Variants in PP2D1 observed in about 807,000 individuals in gnomAD.
The protein encoded by PP2D1 is protein phosphatase 2C like domain containing 1.
A neutral mutation model predicts 30.2 loss-of-function variants in PP2D1; 25 were observed. That is an observed-to-expected ratio of 0.83 (90% confidence interval 0.60 to 1.16). The LOEUF (loss-of-function observed/expected upper bound fraction) is 1.16. PP2D1 is among the 50% of genes most tolerant of loss of function. The probability of loss-of-function intolerance (pLI) is 0.00; values close to 1 mark genes in which losing one functional copy is unlikely to be tolerated. For missense variants in PP2D1, 760 were observed against 742.4 expected (o/e 1.02, Z -0.28); for synonymous variants, 260 against 258.9 (o/e 1.00, Z -0.04).
At chr3:19,989,523 T>C (rs1017836835) in intron 2 of PP2D1, among the ~76,000 whole-genome samples, 2 of 152,198 alleles carry the variant, frequency 1.3e-5, no homozygotes, top group Admixed American at 1.3e-4. Context: ...TGGTTATTAA[T>C]ATTGTGTGTT....
chr3:19,988,789 G>C (rs1479558126), intron 2 of PP2D1, among the ~76,000 whole-genome samples: 4 of 152,112 alleles, frequency 2.6e-5, no homozygotes, highest in Non-Finnish European at 1.5e-5. Context: ...CGGACACTTA[G>C]GGAAATAGGA....
intron 1 of PP2D1, among the ~76,000 whole-genome samples, chr3:20,002,794 A>T (rs542745491): frequency 4.6e-5 from 7 of 152,000 alleles, no homozygotes; most frequent in African/African-American, 1.7e-4. Context: ...GGTGGCTCAC[A>T]CCTGTAATCC....
chr3:20,011,141 G>A (rs1223558714), intron 1 of PP2D1, among the ~76,000 whole-genome samples: 1 of 152,132 alleles, frequency 6.6e-6, no homozygotes, highest in Non-Finnish European at 1.5e-5. Flanking sequence ...ATATCCAAGA[G>A]AATGATCAGT....
At chr3:19,987,930 T>C (rs888221465) in intron 2 of PP2D1, among the ~76,000 whole-genome samples, 4 of 152,228 alleles carry the variant, frequency 2.6e-5, no homozygotes, top group South Asian at 4.1e-4. Context: ...TGAACATAAA[T>C]TGTGAAGATT....
In PP2D1 at chr3:20,001,871, C is replaced by T; in HGVS notation, c.249G>A (p.Lys83=). The T allele has an allele frequency of 1.3e-6, 2 of 1,536,108 alleles. No individual in the cohort carries two copies. Among genetic ancestry groups the T allele is most frequent in the Non-Finnish European group, 1.7e-6 (2 of 1,146,852 alleles). The change falls in exon 2 of 3, where the codon AAG becomes AAA. Residue 83 remains lysine (K), a synonymous_variant. Transcript: ENST00000389050. Reference sequence around the variant, plus strand: ...CCAGCGTGGCCAGAGCTACATGTTGCTTCTTATGGAGAAAAATACCAGTTA... The same window carrying T: ...CCAGCGTGGCCAGAGCTACATGTTGTTTCTTATGGAGAAAAATACCAGTTA... ...IDLTGIFLHK[K]QHVALATLGF... is the part of the protein sequence containing the mutation.
intron 2 of PP2D1, 73 bp from the exon 3 acceptor site, chr3:19,986,255 C>CT (rs1697033010): frequency 8.9e-7 from 1 of 1,129,126 alleles, no homozygotes; most frequent in Admixed American, 3.2e-5. Context: ...CTACTGCTAA[C>CT]TTTAGTAAAT....
intron 1 of PP2D1, among the ~76,000 whole-genome samples, chr3:20,010,235 A>G (rs1035448940): frequency 1.3e-5 from 2 of 152,006 alleles, no homozygotes; most frequent in Non-Finnish European, 2.9e-5. Flanking sequence ...AGCTGGGACT[A>G]CAGGTGCCTG....
downstream of PP2D1, chr3:19,983,845 G>A (rs1351248358): frequency 5.5e-6 from 8 of 1,460,798 alleles, no homozygotes; most frequent in South Asian, 1.2e-5. Context: ...GAACTAGCTG[G>A]AATAGTCTTC....
At chr3:19,995,829 T>C (rs12487701) in intron 2 of PP2D1, among the ~76,000 whole-genome samples, 3,692 of 152,254 alleles carry the variant, frequency 0.024, 68 homozygotes, top group Middle Eastern at 0.037. Context: ...TTGGAAATTG[T>C]ACAAATACAT....
At chr3:19,983,667 G>A (rs1357664746), downstream of PP2D1, 1 of 1,272,422 alleles carries the variant, frequency 7.9e-7, no homozygotes, top group Admixed American at 1.9e-5. Context: ...ATATTAATAT[G>A]AGTATTCAAA....
rs925456910 is a variant in PP2D1 at position 19,986,122 on chromosome 3, G to A, written c.1151C>T (p.Thr384Ile). The A allele has an allele frequency of 1.2e-5, 18 of 1,534,704 alleles. No homozygotes were observed. The highest frequency in any genetic ancestry group is 1.1e-4 in the African/African-American group (8 of 72,974). ...GKGFCLTKEH[T>I]TRNTNERRRI... is the part of the protein sequence containing the mutation. The stretch of plus-strand genomic sequence containing the variant: ...TCTTCTTTCATTTGTGTTTCGTGTA[G>A]TATGTTCTTTGGTTAGGCAAAAACC... The change falls in exon 3 of 3, where the codon ACT (threonine) becomes ATT (isoleucine). Residue 384 changes from threonine (T) to isoleucine (I), a missense_variant. Thr to Ile is a moderately conservative substitution (Grantham distance 89). Coordinates refer to ENST00000389050, the MANE Select transcript of PP2D1 (RefSeq NM_001252657.2).
intron 2 of PP2D1, among the ~76,000 whole-genome samples, chr3:19,999,640 C>G (rs1304545608): frequency 6.6e-6 from 1 of 150,974 alleles, no homozygotes; most frequent in Non-Finnish European, 1.5e-5. Flanking sequence ...CCACCCACCT[C>G]GGCCTCCCAA....
chr3:20,003,882 T>A (rs1158108953), intron 1 of PP2D1, among the ~76,000 whole-genome samples: 1 of 152,210 alleles, frequency 6.6e-6, no homozygotes, highest in Non-Finnish European at 1.5e-5. Flanking sequence ...TTTTTGTCTT[T>A]TAAGCCAAAT....
intron 1 of PP2D1, among the ~76,000 whole-genome samples, chr3:20,011,724 G>A (rs141121870): frequency 0.019 from 2,961 of 152,154 alleles, 94 homozygotes; most frequent in African/African-American, 0.068. Flanking sequence ...ACTTGAACCC[G>A]GGAAGCGGAG....
At chr3:19,992,643 A>G (rs1166908579) in intron 2 of PP2D1, among the ~76,000 whole-genome samples, 2 of 152,228 alleles carry the variant, frequency 1.3e-5, no homozygotes, top group African/African-American at 4.8e-5. Flanking sequence ...GATATCCTAA[A>G]AACAGGAGAA....
chr3:19,985,957 A>G lies in PP2D1; in HGVS notation c.1316T>C (p.Ile439Thr). The change falls in exon 3 of 3, where the codon ATT (isoleucine) becomes ACT (threonine). Residue 439 changes from isoleucine to threonine, a missense_variant. By Grantham distance (89) the Ile-to-Thr change is moderately conservative (BLOSUM62 -1). Around this residue, in one of 3 missense-constraint regions of PP2D1, gnomAD observed 369 missense variants for 316.2 expected, o/e 1.17. Transcript: ENST00000389050. ...KKSIIPAPQT[I>T]SVPIDDLCQF... ...ACATAGGTCATCTATAGGGACAGAA[A>G]TAGTTTGAGGTGCTGGGATAATGGA... 1 of 1,536,302 alleles carries G rather than the reference A, an allele frequency of 6.5e-7. No homozygotes were observed. The highest frequency in any genetic ancestry group is 8.7e-7 in the Non-Finnish European group (1 of 1,146,918).
downstream of PP2D1, chr3:19,985,287 T>C (rs139773490): frequency 1.2e-4 from 99 of 854,162 alleles, no homozygotes; most frequent in African/African-American, 1.5e-3. Context: ...TTCATAAAAT[T>C]ATTTGCATGG....
chr3:19,999,890 C>T (rs778755773), intron 2 of PP2D1, among the ~76,000 whole-genome samples: 1 of 152,092 alleles, frequency 6.6e-6, no homozygotes, highest in Non-Finnish European at 1.5e-5. Flanking sequence ...GCCTGAGAAA[C>T]GACAAAGACT....
At position 20,002,174 on chromosome 3, in the gene PP2D1, A is replaced by G. The variant is rs1575087763; in HGVS notation, c.24-78T>C. On this transcript the variant is annotated intron_variant, in intron 1 of 2. Coordinates refer to ENST00000389050, the MANE Select transcript of PP2D1 (RefSeq NM_001252657.2). ...CTTCAAGCAGGCTGTTATCATTGCA[A>G]TTTGATTTGGCTCCTCACAATCTTA... 2.0e-5 allele frequency: 18 copies of G among 887,236 alleles called. No homozygotes were observed. The South Asian group carries it at 3.2e-4, about 16-fold the overall frequency. 55.0% of individuals were successfully genotyped at this position (887,236 alleles called of 1,614,324 possible). A position where few individuals can be genotyped will look rare whatever the true frequency, so the allele number is the denominator to read the frequency against.
Sources: allele counts gnomAD v4.1 joint callset (sites outside exome capture counted in the v4.1 genomes callset), GRCh38; gene constraint gnomAD v4.1.1; regional missense constraint gnomAD v4.1.1; transcripts MANE v1.5; gene names NCBI Gene and HGNC (gene_info 2026-07-23, HGNC 2026-07-21).